Variants in DCC observed in about 807,000 individuals in gnomAD.
DCC encodes netrin receptor DCC.
In DCC, 58 loss-of-function variants were observed where a neutral mutation model predicts 172.5. That is an observed-to-expected ratio of 0.34 (90% CI 0.27 to 0.42). The LOEUF (loss-of-function observed/expected upper bound fraction) is 0.42, where lower values mean the gene tolerates loss of function less well. DCC is among the 10% of genes least tolerant of loss of function. DCC has a pLI of 1.00. For synonymous variants in DCC, 709 were observed against 644.5 expected (o/e 1.10, Z -1.52); for missense variants, 1,740 against 1,791.0 (o/e 0.97, Z 0.51).
At chr18:52,618,622 G>A (rs1313875613) in intron 1 of DCC, among the ~76,000 whole-genome samples, 1 of 152,098 alleles carries the variant, frequency 6.6e-6, no homozygotes, top group Non-Finnish European at 1.5e-5. Context: ...TTTTCTCACT[G>A]TCCTGGTCAT....
In DCC at chr18:53,477,962, G is replaced by C. The variant is rs1012156489; in HGVS notation, c.3737-8835G>C. Among the ~76,000 whole-genome samples the C allele has an allele frequency of 7.9e-5, 12 of 152,324 alleles. No individual in the cohort carries two copies. In the East Asian group the frequency reaches 2.3e-3, roughly 29 times the overall value. ...ATAATGGCCAAAAATTATTTTAAAT[G>C]CTGTTTCTTACTATAATGAAATTAA... On this transcript the variant is annotated intron_variant, in intron 25 of 28. Coordinates refer to ENST00000442544, the MANE Select transcript of DCC (RefSeq NM_005215.4).
intron 2 of DCC, among the ~76,000 whole-genome samples, chr18:52,811,708 G>T (rs1012087607): frequency 6.6e-6 from 1 of 152,066 alleles, no homozygotes; most frequent in Admixed American, 6.5e-5. Flanking sequence ...ATCATGCTTT[G>T]TAGCTTTTCA....
chr18:52,668,709 T>C (rs2144963976), intron 1 of DCC, among the ~76,000 whole-genome samples: 1 of 152,350 alleles, frequency 6.6e-6, no homozygotes, highest in Non-Finnish European at 1.5e-5. Flanking sequence ...TTAAAACAAA[T>C]ATTTCCAATA....
chr18:52,439,174 T>TTTTGTGTG (rs74178668), intron 1 of DCC, among the ~76,000 whole-genome samples: 7 of 144,852 alleles, frequency 4.8e-5, no homozygotes, highest in Admixed American at 2.1e-4. Context: ...AAGATATGTT[T>TTTTGTGTG]TGTGTGTGTG....
chr18:53,049,411 A>G (rs2042303983), intron 5 of DCC, among the ~76,000 whole-genome samples: 1 of 152,122 alleles, frequency 6.6e-6, no homozygotes, highest in Non-Finnish European at 1.5e-5. Flanking sequence ...ATGGCTAGGC[A>G]GTTATTCCAG....
intron 1 of DCC, among the ~76,000 whole-genome samples, chr18:52,381,083 G>T (rs761800984): frequency 9.2e-5 from 14 of 152,050 alleles, no homozygotes; most frequent in Non-Finnish European, 2.1e-4. Context: ...AGGAAAAAGG[G>T]GGGCACTAAT....
At position 53,512,445 on chromosome 18, in the gene DCC, A is replaced by G. The variant is rs1401513250; in HGVS notation, c.4111+12935A>G. On this transcript the variant is annotated intron_variant, in intron 27 of 28. Coordinates refer to ENST00000442544, the MANE Select transcript of DCC (RefSeq NM_005215.4). ...GAACGCAGTTCCTCACCAGCAACGG[A>G]ACAAAGCTGGATGGAGAATGACTTT... Among the ~76,000 whole-genome samples the G allele has an allele frequency of 2.0e-5, 3 of 151,618 alleles. No homozygotes were observed. In the East Asian group the frequency reaches 5.8e-4, roughly 29 times the overall value.
chr18:53,278,843 A>G (rs907893147), intron 12 of DCC, among the ~76,000 whole-genome samples: 8 of 152,164 alleles, frequency 5.3e-5, no homozygotes, highest in Admixed American at 1.3e-4. Flanking sequence ...AAGGTGAGGC[A>G]CAGAGAGGTA....
At chr18:52,749,036 C>T (rs2036954020) in intron 1 of DCC, among the ~76,000 whole-genome samples, 1 of 152,034 alleles carries the variant, frequency 6.6e-6, no homozygotes, top group Admixed American at 6.5e-5. Flanking sequence ...GCCATCTCTA[C>T]TAAAAATACA....
rs79766050 is a variant in DCC at position 52,362,806 on chromosome 18, A to T, written c.91+21928A>T. On this transcript the variant is annotated intron_variant, in intron 1 of 28. Coordinates refer to ENST00000442544, the MANE Select transcript of DCC (RefSeq NM_005215.4). Reference sequence around the variant, plus strand: ...CCCCCCCCACTCCCCTCCTCCCTCCATAAACCAAAAGAGCATTTATTTACT... The same window carrying T: ...CCCCCCCCACTCCCCTCCTCCCTCCTTAAACCAAAAGAGCATTTATTTACT... Among the ~76,000 whole-genome samples the T allele has an allele frequency of 3.4e-3, 513 of 151,778 alleles. 6 individuals are homozygous for T. Among genetic ancestry groups the T allele is most frequent in the African/African-American group, 0.012 (488 of 41,290 alleles).
At chr18:52,367,718 C>G (rs1984942009) in intron 1 of DCC, among the ~76,000 whole-genome samples, 1 of 152,154 alleles carries the variant, frequency 6.6e-6, no homozygotes, top group South Asian at 2.1e-4. Flanking sequence ...AAGGTTACCT[C>G]TAACAACTTT....
intron 5 of DCC, among the ~76,000 whole-genome samples, chr18:53,047,076 G>C (rs1000190962): frequency 2.7e-5 from 4 of 150,528 alleles, no homozygotes; most frequent in African/African-American, 9.8e-5. Flanking sequence ...TCTCTGAATT[G>C]TTTTCAAGCC....
At chr18:52,650,093 C>T (rs544931457) in intron 1 of DCC, among the ~76,000 whole-genome samples, 2 of 151,590 alleles carry the variant, frequency 1.3e-5, no homozygotes, top group African/African-American at 4.8e-5. Flanking sequence ...ATTCTCCTGC[C>T]TCAGTCTCCG....
chr18:53,150,862 G>C (rs1262092015), intron 7 of DCC, among the ~76,000 whole-genome samples: 4 of 152,196 alleles, frequency 2.6e-5, no homozygotes, highest in African/African-American at 4.8e-5. Flanking sequence ...CTGAAACCTA[G>C]CTCCGCACTC....
chr18:52,498,566 G>C (rs562214192), intron 1 of DCC, among the ~76,000 whole-genome samples: 1 of 152,148 alleles, frequency 6.6e-6, no homozygotes. Flanking sequence ...AGAAGTTGCA[G>C]TGAGCCGAGA....
chr18:52,795,689 G>GTTGTGTATTTGAAATCTGTCCACTT (rs2037861768), intron 2 of DCC, among the ~76,000 whole-genome samples: 1 of 151,780 alleles, frequency 6.6e-6, no homozygotes, highest in African/African-American at 2.4e-5. Context: ...GCATTGATAG[G>GTTGTGTATTTGAAATCTGTCCACTT]TTGTGTATTT....
At chr18:52,990,866 T>A (rs551141359) in intron 5 of DCC, among the ~76,000 whole-genome samples, 2 of 152,206 alleles carry the variant, frequency 1.3e-5, no homozygotes, top group South Asian at 4.1e-4. Flanking sequence ...TAATAGTAGG[T>A]TTAACGAACA....
chr18:53,305,866 A>G (rs1258239605), intron 13 of DCC, 147 bp downstream of exon 13: 7 of 765,160 alleles, frequency 9.1e-6, no homozygotes, highest in East Asian at 7.6e-5. Context: ...AACAACCTTT[A>G]TATTTTTAAC....
chr18:53,380,458 G>T (rs1168965547), intron 15 of DCC, among the ~76,000 whole-genome samples: 17 of 152,098 alleles, frequency 1.1e-4, no homozygotes, highest in Admixed American at 1.1e-3. Flanking sequence ...ATATTTTCTT[G>T]TTTTTTGTTC....
Sources: allele counts gnomAD v4.1 joint callset (sites outside exome capture counted in the v4.1 genomes callset), GRCh38; gene constraint gnomAD v4.1.1; transcripts MANE v1.5; gene names NCBI Gene and HGNC (gene_info 2026-07-23, HGNC 2026-07-21).